Variants in ANXA4 observed in about 807,000 individuals in gnomAD.
The protein encoded by ANXA4 is 35-beta calcimedin.
A neutral mutation model predicts 49.8 loss-of-function variants in ANXA4; 39 were observed. That is an observed-to-expected ratio of 0.78 (90% CI 0.61 to 1.02). ANXA4 has a LOEUF of 1.02. Ranked by LOEUF, ANXA4 falls within the 50% of genes least tolerant of loss-of-function variation. The probability of loss-of-function intolerance (pLI) is 0.00; values close to 1 mark genes in which losing one functional copy is unlikely to be tolerated. For missense variants in ANXA4, 360 were observed against 410.1 expected (o/e 0.88, Z 1.05); for synonymous variants, 134 against 152.5 (o/e 0.88, Z 0.89).
At chr2:69,819,424 C>A in intron 11 of ANXA4, 86 bp downstream of exon 11, 1 of 981,432 alleles carries the variant, frequency 1.0e-6, no homozygotes, top group Non-Finnish European at 1.5e-6. Context: ...CCTATCCAAA[C>A]TTTGCTCTGA....
At chr2:69,812,094 A>T (rs115628746) in intron 7 of ANXA4, among the ~76,000 whole-genome samples, 4,208 of 137,328 alleles carry the variant, frequency 0.031, 182 homozygotes, top group African/African-American at 0.11. Flanking sequence ...TATTCTCTCG[A>T]CTCTCCTCTG....
At chr2:69,725,223 A>C (rs994751285) in intron 3 of ANXA4, among the ~76,000 whole-genome samples, 2 of 152,142 alleles carry the variant, frequency 1.3e-5, no homozygotes, top group Non-Finnish European at 2.9e-5. Context: ...TTACAGAGAT[A>C]TAACATATTA....
chr2:69,779,983 C>T (rs7586494), intron 1 of ANXA4, among the ~76,000 whole-genome samples: 49,240 of 152,018 alleles, frequency 0.32, 9,030 homozygotes, highest in Admixed American at 0.47. Flanking sequence ...AAGAATGAAA[C>T]TGGAAGGTAA....
At chr2:69,687,523 T>C (rs1166007678) in intron 2 of ANXA4, among the ~76,000 whole-genome samples, 1 of 151,118 alleles carries the variant, frequency 6.6e-6, no homozygotes, top group Admixed American at 6.6e-5. Flanking sequence ...AAAAAAAAGA[T>C]ATTTTTGGGA....
chr2:69,698,408 C>G (rs534208611), intron 2 of ANXA4, among the ~76,000 whole-genome samples: 21 of 152,218 alleles, frequency 1.4e-4, no homozygotes, highest in African/African-American at 5.1e-4. Flanking sequence ...CCCTTCAACT[C>G]CCTCCATTTC....
intron 2 of ANXA4, among the ~76,000 whole-genome samples, chr2:69,678,496 A>G (rs1401547900): frequency 1.4e-5 from 2 of 144,006 alleles, no homozygotes; most frequent in Non-Finnish European, 3.0e-5. Context: ...TGGGCTCAGG[A>G]GATACTCCCA....
At chr2:69,784,164 T>C (rs983346238) in intron 2 of ANXA4, among the ~76,000 whole-genome samples, 3 of 152,196 alleles carry the variant, frequency 2.0e-5, no homozygotes, top group Non-Finnish European at 4.4e-5. Flanking sequence ...TTCCCTGTCT[T>C]CCCAGAATGG....
chr2:69,801,682 G>A (rs1175731121), intron 3 of ANXA4, among the ~76,000 whole-genome samples: 2 of 152,108 alleles, frequency 1.3e-5, no homozygotes, highest in African/African-American at 2.4e-5. Flanking sequence ...AGGATTACAG[G>A]CATGAGCTAC....
intron 1 of ANXA4, among the ~76,000 whole-genome samples, chr2:69,767,166 T>C (rs1671525928): frequency 6.6e-6 from 1 of 152,250 alleles, no homozygotes; most frequent in African/African-American, 2.4e-5. Flanking sequence ...CAACTCCATC[T>C]GAGGCTTTGA....
chr2:69,706,284 T>C (rs1678494406), intron 2 of ANXA4, among the ~76,000 whole-genome samples: 1 of 144,850 alleles, frequency 6.9e-6, no homozygotes, highest in Non-Finnish European at 1.5e-5. Flanking sequence ...AGCACATTGG[T>C]ACAATTCCTT....
chr2:69,716,965 G>T (rs1163485918), intron 2 of ANXA4, among the ~76,000 whole-genome samples: 1 of 152,196 alleles, frequency 6.6e-6, no homozygotes, highest in Non-Finnish European at 1.5e-5. Context: ...ACACCGTCCA[G>T]CCTCTGCTCC....
At chr2:69,648,215 CAG>C (rs1676082715) in intron 1 of ANXA4, among the ~76,000 whole-genome samples, 1 of 152,204 alleles carries the variant, frequency 6.6e-6, no homozygotes, top group Non-Finnish European at 1.5e-5. Context: ...GGTGTGGAAA[CAG>C]AGGCTGAGCA....
At chr2:69,705,736 A>G (rs1049283404) in intron 2 of ANXA4, among the ~76,000 whole-genome samples, 23 of 152,230 alleles carry the variant, frequency 1.5e-4, no homozygotes, top group African/African-American at 5.5e-4. Flanking sequence ...GTTCGAGACC[A>G]GCCTGGCCAA....
chr2:69,750,863 T>C (rs1216142997), intron 1 of ANXA4, among the ~76,000 whole-genome samples: 2 of 152,182 alleles, frequency 1.3e-5, no homozygotes, highest in African/African-American at 4.8e-5. Flanking sequence ...CCCAGTGATA[T>C]CAATGGCCAT....
At chr2:69,660,927 TA>T (rs979950342) in intron 2 of ANXA4, among the ~76,000 whole-genome samples, 5 of 152,232 alleles carry the variant, frequency 3.3e-5, no homozygotes, top group Admixed American at 3.3e-4. Flanking sequence ...AAAAAAGATG[TA>T]ACTCTTCAGA....
chr2:69,796,924 C>G (rs553729521), intron 3 of ANXA4, among the ~76,000 whole-genome samples: 10 of 152,050 alleles, frequency 6.6e-5, no homozygotes, highest in Admixed American at 3.3e-4. Flanking sequence ...GGTTGTCTCG[C>G]GGGGCAAAGA....
chr2:69,757,888 G>T (rs182223041), intron 1 of ANXA4, among the ~76,000 whole-genome samples: 180 of 151,328 alleles, frequency 1.2e-3, no homozygotes, highest in African/African-American at 4.0e-3. Flanking sequence ...GAACCCAGGG[G>T]ATGGAGGTTG....
At chr2:69,649,924 A>ATTTTTTTTTTTTTTTT (rs35212855) in intron 1 of ANXA4, among the ~76,000 whole-genome samples, 1 of 52,014 alleles carries the variant, frequency 1.9e-5, no homozygotes, top group Non-Finnish European at 3.1e-5. Flanking sequence ...GCCTGGCCTG[A>ATTTTTTTTTTTTTTTT]TTTTTTTTTT....
intron 2 of ANXA4, among the ~76,000 whole-genome samples, chr2:69,708,268 C>T (rs1002466107): frequency 2.0e-5 from 3 of 152,188 alleles, no homozygotes; most frequent in Middle Eastern, 3.2e-3. Context: ...TACGTGGCAT[C>T]GAGTGCCAAT....
Sources: gnomAD v4.1 joint callset for allele counts (sites outside exome capture counted in the v4.1 genomes callset) on GRCh38, gnomAD v4.1.1 for gene constraint, MANE v1.5 for transcripts, NCBI Gene and HGNC (gene_info 2026-07-23, HGNC 2026-07-21) for gene names.